CHL1: variants seen among roughly 807,000 people sequenced by gnomAD.
CHL1 encodes cell adhesion molecule L1 like.
In CHL1, 96 loss-of-function variants were observed where a neutral mutation model predicts 141.9. The observed-to-expected ratio is 0.68, with a 90% CI of 0.57 to 0.80. CHL1 has a LOEUF of 0.80. CHL1 is among the 30% of genes least tolerant of loss of function. The pLI is 0.00. For synonymous variants in CHL1, 613 were observed against 502.2 expected (o/e 1.22, Z -2.95); for missense variants, 1,820 against 1,457.2 (o/e 1.25, Z -4.05).
chr3:299,934 T>C lies in CHL1; in HGVS notation c.-94-19749T>C, dbSNP rs368374235. ...TCCATTCCATCGAGATTGCAGCTCC[T>C]GGCACCTCTTCAACAGGAAGTTGTT... is the stretch of plus-strand genomic sequence containing the variant. On this transcript the variant is annotated intron_variant, in intron 2 of 27. Coordinates refer to ENST00000256509, the MANE Select transcript of CHL1 (RefSeq NM_006614.4). 4.6e-5 allele frequency among the ~76,000 whole-genome samples: 7 copies of C among 152,216 alleles called. No individual in the cohort carries two copies. The East Asian group carries it at 5.8e-4, about 13-fold the overall frequency.
chr3:276,054 G>A (rs1251330840), intron 2 of CHL1, among the ~76,000 whole-genome samples: 1 of 151,774 alleles, frequency 6.6e-6, no homozygotes, highest in East Asian at 1.9e-4. Context: ...TTAAAGATAT[G>A]TTGAACTCTA....
intron 1 of CHL1, chr3:217,704 A>G (rs143194002): frequency 6.6e-6 from 1 of 152,420 alleles, no homozygotes; most frequent in African/African-American, 2.4e-5. Flanking sequence ...GCACAAGGTG[A>G]GCTTAGGGCA....
intron 5 of CHL1, among the ~76,000 whole-genome samples, chr3:332,260 A>G (rs1002263768): frequency 5.3e-5 from 8 of 152,242 alleles, no homozygotes; most frequent in African/African-American, 1.4e-4. Flanking sequence ...ATGTTGAGCA[A>G]TAAAAGTAAA....
rs746089729 is a variant in CHL1 at position 330,747 on chromosome 3, G to T, written c.385+2393G>T. ...CAGCTGGTTCAAAAATATCTTTGAG[G>T]AACAAAGGGCAAACTTCAGTAGAAA... On this transcript the variant is annotated intron_variant, in intron 5 of 27. Transcript: ENST00000256509. Among the ~76,000 whole-genome samples the T allele has an allele frequency of 6.0e-4, 92 of 152,082 alleles. 2 individuals are homozygous for T. The highest frequency in any genetic ancestry group is 1.3e-4 in the Non-Finnish European group (9 of 68,014).
intron 2 of CHL1, among the ~76,000 whole-genome samples, chr3:282,019 A>G (rs145540136): frequency 0.011 from 1,718 of 152,336 alleles, 16 homozygotes; most frequent in Non-Finnish European, 0.017. Context: ...ATAATTACTG[A>G]TAAGGTAGAA....
At chr3:285,271 A>G (rs1414500970) in intron 2 of CHL1, among the ~76,000 whole-genome samples, 2 of 152,226 alleles carry the variant, frequency 1.3e-5, no homozygotes, top group Non-Finnish European at 2.9e-5. Flanking sequence ...TTGTTTGAGG[A>G]AGACATTATG....
At chr3:287,970 G>A (rs887886261) in intron 2 of CHL1, among the ~76,000 whole-genome samples, 2 of 152,182 alleles carry the variant, frequency 1.3e-5, no homozygotes, top group African/African-American at 4.8e-5. Context: ...GTTTTACCCT[G>A]TTGGCCAGGC....
At chr3:254,070 C>T (rs1693940537) in intron 2 of CHL1, among the ~76,000 whole-genome samples, 2 of 152,178 alleles carry the variant, frequency 1.3e-5, no homozygotes, top group African/African-American at 2.4e-5. Context: ...CCTTTGAGAA[C>T]CAGCTGCTTC....
intron 1 of CHL1, among the ~76,000 whole-genome samples, chr3:221,039 G>C (rs913024372): frequency 6.6e-6 from 1 of 152,076 alleles, no homozygotes; most frequent in African/African-American, 2.4e-5. Context: ...AAACTCCTTG[G>C]ACTAGTTGCC....
At chr3:373,388 C>G (rs1023164011) in intron 15 of CHL1, among the ~76,000 whole-genome samples, 1 of 152,196 alleles carries the variant, frequency 6.6e-6, no homozygotes, top group African/African-American at 2.4e-5. Flanking sequence ...AGGGTCAGGC[C>G]TGAAGAGGCA....
chr3:322,646 AT>A (rs1281880556), intron 3 of CHL1, among the ~76,000 whole-genome samples: 4 of 27,252 alleles, frequency 1.5e-4, no homozygotes, highest in East Asian at 1.5e-3. Context: ...TATATATAAA[AT>A]ATATATATAT....
chr3:239,115 C>T (rs553658548), intron 1 of CHL1, among the ~76,000 whole-genome samples: 34 of 152,152 alleles, frequency 2.2e-4, no homozygotes, highest in African/African-American at 7.2e-4. Flanking sequence ...AGGGGGAACC[C>T]GGAGACTGAT....
At position 340,779 on chromosome 3, in the gene CHL1, G is replaced by A; in HGVS notation, c.386-15G>A. 1 of 1,591,242 alleles carries A rather than the reference G, an allele frequency of 6.3e-7. No individual in the cohort carries two copies. Among genetic ancestry groups the A allele is most frequent in the East Asian group, 2.2e-5 (1 of 44,662 alleles). ...TAATTTTAAAATAACACATTAAAAT[G>A]ATTTTTTACACCAGGTGTTCCAAAA... On this transcript the variant is annotated splice_polypyrimidine_tract_variant and intron_variant, in intron 5 of 27. Coordinates refer to ENST00000256509, the MANE Select transcript of CHL1 (RefSeq NM_006614.4).
intron 24 of CHL1, 135 bp downstream of exon 24, chr3:395,007 C>G (rs995480424): frequency 8.2e-6 from 6 of 729,464 alleles, no homozygotes; most frequent in Non-Finnish European, 1.1e-5. Flanking sequence ...TCTGTCTGAC[C>G]TTCTGTTTTC....
intron 2 of CHL1, among the ~76,000 whole-genome samples, chr3:300,962 A>T (rs974097896): frequency 6.6e-6 from 1 of 152,156 alleles, no homozygotes; most frequent in African/African-American, 2.4e-5. Context: ...AGAACATGTA[A>T]TTGAAGCTCA....
chr3:404,497 C>A (rs1181045556), intron 27 of CHL1, among the ~76,000 whole-genome samples: 1 of 151,910 alleles, frequency 6.6e-6, no homozygotes, highest in African/African-American at 2.4e-5. Context: ...AAGATCATAC[C>A]ATTTGATAAG....
rs1178223431 is a variant in CHL1 at position 349,431 on chromosome 3, T to C, written c.921T>C (p.Tyr307=). 12 of 1,613,758 alleles carry C rather than the reference T, an allele frequency of 7.4e-6. No individual in the cohort carries two copies. Among genetic ancestry groups the C allele is most frequent in the Non-Finnish European group, 9.3e-6 (11 of 1,179,802 alleles). ...AGGGGAGAGAAACAAAAGAAAATTA[T>C]GGCAAGACTTTGAAGATAGAGAATG... ...LPKGRETKEN[Y]GKTLKIENVS... Residue 307 remains tyrosine, a synonymous_variant, in exon 10 of 28, where the codon TAT becomes TAC. Coordinates refer to ENST00000256509, the MANE Select transcript of CHL1 (RefSeq NM_006614.4).
In CHL1 at chr3:349,481, A is replaced by G; in HGVS notation, c.971A>G (p.Tyr324Cys). Residue 324 changes from tyrosine to cysteine, a missense_variant, in exon 10 of 28, where the codon TAT (tyrosine) becomes TGT (cysteine). Transcript: ENST00000256509. ...ENVSYQDKGN[Y>C]RCTASNFLGT... is the part of the protein sequence containing the mutation. The stretch of plus-strand genomic sequence containing the variant: ...GTCTCCTACCAGGACAAAGGAAATT[A>G]TCGCTGCACAGCCAGCAATTTCTTG... 6.2e-7 allele frequency: 1 copy of G among 1,614,088 alleles called. No homozygotes were observed. Among genetic ancestry groups the G allele is most frequent in the Non-Finnish European group, 8.5e-7 (1 of 1,179,958 alleles).
chr3:285,612 G>T (rs949883151), intron 2 of CHL1, among the ~76,000 whole-genome samples: 1 of 152,122 alleles, frequency 6.6e-6, no homozygotes, highest in Non-Finnish European at 1.5e-5. Flanking sequence ...GGCAAACTAC[G>T]TAGACTCTAC....
Sources: gnomAD v4.1 joint callset for allele counts (sites outside exome capture counted in the v4.1 genomes callset) on GRCh38, gnomAD v4.1.1 for gene constraint, MANE v1.5 for transcripts, NCBI Gene and HGNC (gene_info 2026-07-23, HGNC 2026-07-21) for gene names.